CALN1: variants seen among roughly 807,000 people sequenced by gnomAD.
The protein encoded by CALN1 is calneuron 1.
In CALN1, 17 loss-of-function variants were observed where a neutral mutation model predicts 30.6. The ratio of observed to expected loss-of-function variants is 0.56; its 90% confidence interval spans 0.38 to 0.83. CALN1 has a LOEUF of 0.83. Among genes scored for constraint, CALN1 ranks in the 40% least tolerant of loss-of-function variants. CALN1 has a pLI of 0.00. For synonymous variants in CALN1, 156 were observed against 131.4 expected (o/e 1.19, Z -1.28); for missense variants, 291 against 354.9 (o/e 0.82, Z 1.45).
intron 5 of CALN1, among the ~76,000 whole-genome samples, chr7:71,995,856 G>C (rs1199881637): frequency 2.0e-5 from 3 of 151,782 alleles, no homozygotes; most frequent in Non-Finnish European, 2.9e-5. Flanking sequence ...TCAACCACAA[G>C]TGCGTGGCCT....
chr7:72,128,863 ACT>A (rs1435485703), intron 3 of CALN1, among the ~76,000 whole-genome samples: 1 of 152,152 alleles, frequency 6.6e-6, no homozygotes, highest in East Asian at 1.9e-4. Context: ...CAAGAGCAAA[ACT>A]CTGTCTCAAG....
At chr7:71,977,038 C>T (rs555274093) in intron 5 of CALN1, among the ~76,000 whole-genome samples, 17 of 152,244 alleles carry the variant, frequency 1.1e-4, no homozygotes, top group African/African-American at 2.2e-4. Context: ...CACAAACAGA[C>T]GAATTTGATC....
intron 3 of CALN1, among the ~76,000 whole-genome samples, chr7:72,153,452 G>A (rs1040417961): frequency 6.6e-6 from 1 of 151,912 alleles, no homozygotes; most frequent in Non-Finnish European, 1.5e-5. Context: ...GTCGAGGTGG[G>A]AGGACTGCTT....
chr7:71,935,310 G>A (rs938171064), intron 5 of CALN1, among the ~76,000 whole-genome samples: 2 of 152,208 alleles, frequency 1.3e-5, no homozygotes, highest in African/African-American at 4.8e-5. Context: ...CAGGATAGCA[G>A]TGGGTTAAAC....
At chr7:72,379,003 TTTAG>T (rs1804733266) in intron 2 of CALN1, among the ~76,000 whole-genome samples, 1 of 152,206 alleles carries the variant, frequency 6.6e-6, no homozygotes. Context: ...GTTGTTTGAT[TTTAG>T]AATGTTAAAC....
intron 3 of CALN1, among the ~76,000 whole-genome samples, chr7:72,124,030 C>G (rs1282142455): frequency 6.6e-6 from 1 of 152,158 alleles, no homozygotes; most frequent in Non-Finnish European, 1.5e-5. Context: ...GGAATTCTAT[C>G]TACCAGAAAT....
chr7:72,018,111 G>C (rs565174739), intron 5 of CALN1, among the ~76,000 whole-genome samples: 2 of 152,238 alleles, frequency 1.3e-5, no homozygotes, highest in South Asian at 4.1e-4. Context: ...GAAAAAGGCT[G>C]CTGGGGTAAA....
At chr7:72,006,887 T>C (rs1799800405) in intron 5 of CALN1, among the ~76,000 whole-genome samples, 1 of 151,550 alleles carries the variant, frequency 6.6e-6, no homozygotes, top group South Asian at 2.1e-4. Flanking sequence ...CATAACTGGG[T>C]CCCCATTTCC....
At chr7:72,412,967 G>C (rs1807273139), upstream of CALN1, among the ~76,000 whole-genome samples, 2 of 152,186 alleles carry the variant, frequency 1.3e-5, no homozygotes, top group South Asian at 4.1e-4. Context: ...GCTCCGAGAA[G>C]GTTCTCTGAT....
At chr7:71,921,237 C>T (rs978850341) in intron 5 of CALN1, among the ~76,000 whole-genome samples, 4 of 152,132 alleles carry the variant, frequency 2.6e-5, no homozygotes, top group Non-Finnish European at 5.9e-5. Flanking sequence ...GAAGGGAGAG[C>T]ATTAGGAGAA....
intron 5 of CALN1, among the ~76,000 whole-genome samples, chr7:71,956,899 G>A (rs1436111745): frequency 6.6e-6 from 1 of 151,676 alleles, no homozygotes; most frequent in Admixed American, 6.6e-5. Context: ...GTTTCACCAT[G>A]TTGGCCAGTC....
chr7:71,941,160 A>T (rs567156793), intron 5 of CALN1, among the ~76,000 whole-genome samples: 5 of 152,112 alleles, frequency 3.3e-5, no homozygotes, highest in Non-Finnish European at 7.4e-5. Context: ...CAGCCTGGCC[A>T]ACATGGTGAA....
chr7:72,118,452 G>A (rs1808149745), intron 3 of CALN1, among the ~76,000 whole-genome samples: 1 of 152,192 alleles, frequency 6.6e-6, no homozygotes, highest in South Asian at 2.1e-4. Context: ...TAGTCAGAAA[G>A]CTAGAGGCAT....
At chr7:72,100,960 T>A (rs763804471) in intron 4 of CALN1, among the ~76,000 whole-genome samples, 1 of 151,982 alleles carries the variant, frequency 6.6e-6, no homozygotes, top group Non-Finnish European at 1.5e-5. Context: ...ACTAGGATTT[T>A]TGTTTGTTTT....
At chr7:72,402,230 T>G (rs528749732) in intron 2 of CALN1, among the ~76,000 whole-genome samples, 85 of 152,336 alleles carry the variant, frequency 5.6e-4, no homozygotes, top group African/African-American at 1.9e-3. Context: ...TTCTCAAATG[T>G]CAAGTTGTGT....
At chr7:72,083,598 A>G (rs1805295446) in intron 4 of CALN1, among the ~76,000 whole-genome samples, 5 of 152,094 alleles carry the variant, frequency 3.3e-5, no homozygotes, top group Admixed American at 2.6e-4. Context: ...AAAAATAAAA[A>G]TAAAAATAAA....
At chr7:71,816,203 T>G (rs1788256135) in intron 5 of CALN1, among the ~76,000 whole-genome samples, 1 of 152,162 alleles carries the variant, frequency 6.6e-6, no homozygotes, top group African/African-American at 2.4e-5. Flanking sequence ...TGAATCTTGC[T>G]GTAAAATCTA....
intron 4 of CALN1, among the ~76,000 whole-genome samples, chr7:72,090,661 G>T (rs1056713880): frequency 6.6e-6 from 1 of 152,160 alleles, no homozygotes; most frequent in African/African-American, 2.4e-5. Flanking sequence ...CAATAGCTAA[G>T]ATATGAAATC....
At chr7:72,387,245 G>T (rs1395546712) in intron 2 of CALN1, among the ~76,000 whole-genome samples, 38 of 48,524 alleles carry the variant, frequency 7.8e-4, no homozygotes, top group Non-Finnish European at 1.6e-3. Context: ...GGGAGGGGAG[G>T]GAGGGAGGGA....
Sources: gnomAD v4.1 joint callset for allele counts (sites outside exome capture counted in the v4.1 genomes callset) on GRCh38, gnomAD v4.1.1 for gene constraint, MANE v1.5 for transcripts, NCBI Gene and HGNC (gene_info 2026-07-23, HGNC 2026-07-21) for gene names.